Variants in MEGF11 observed in about 807,000 individuals in gnomAD.
MEGF11 encodes multiple EGF like domains 11, also known as multiple epidermal growth factor-like domains protein 11.
A neutral mutation model predicts 146.6 loss-of-function variants in MEGF11; 126 were observed. That is an observed-to-expected ratio of 0.86 (90% CI 0.74 to 1.00). The LOEUF is 1.00. Among genes scored for constraint, MEGF11 ranks in the 50% least tolerant of loss-of-function variants. The probability of loss-of-function intolerance (pLI) is 0.00; values close to 1 mark genes in which losing one functional copy is unlikely to be tolerated. For missense variants in MEGF11, 1,509 were observed against 1,521.2 expected, an observed-to-expected ratio of 0.99 and a Z score of 0.13; for synonymous variants, 532 against 583.4, an observed-to-expected ratio of 0.91 and a Z score of 1.27.
intron 10 of MEGF11, among the ~76,000 whole-genome samples, chr15:65,940,647 A>G (rs976858509): frequency 6.6e-6 from 1 of 152,246 alleles, no homozygotes; most frequent in Non-Finnish European, 1.5e-5. Context: ...GGTATGAGGA[A>G]CAGAGAGCCA....
chr15:65,898,385 G>A, intron 25 of MEGF11: 1 of 985,408 alleles, frequency 1.0e-6, no homozygotes, highest in Non-Finnish European at 1.2e-6. Context: ...GTGATTTAGA[G>A]ACTTGTTGAT....
At chr15:66,055,326 G>A (rs892000214) in intron 5 of MEGF11, among the ~76,000 whole-genome samples, 3 of 152,194 alleles carry the variant, frequency 2.0e-5, no homozygotes, top group East Asian at 1.9e-4. Flanking sequence ...TATAAAGTTC[G>A]TGTTCTTTAG....
chr15:66,219,137 GA>G (rs1180149029), intron 1 of MEGF11, among the ~76,000 whole-genome samples: 1 of 152,058 alleles, frequency 6.6e-6, no homozygotes, highest in African/African-American at 2.4e-5. Flanking sequence ...AGAAAACATA[GA>G]AGAATATCTC....
chr15:66,150,823 CGAGAGA>C (rs66595752), intron 1 of MEGF11, among the ~76,000 whole-genome samples: 28,378 of 103,052 alleles, frequency 0.28, 3,940 homozygotes, highest in Admixed American at 0.4. Context: ...AATGCCCTGT[CGAGAGA>C]GAGAGAGAGA....
Position 65,897,233 on chromosome 15 carries a change from A to C in MEGF11, c.*701T>G, listed in dbSNP as rs2078374676. 1 of 152,220 alleles carries C rather than the reference A, an allele frequency of 6.6e-6. No homozygotes were observed. The highest frequency in any genetic ancestry group is 6.5e-5 in the Admixed American group (1 of 15,280). The allele number at this position is 152,220 out of a possible 1,614,324, so 9.4% of individuals were successfully genotyped here. ...TTGATAAAGCTGCCCTAGGAATCTT[A>C]TTGTAGACTGAAAGAGACACTGCTG... On this transcript the variant is annotated 3_prime_UTR_variant, in exon 26 of 26. Coordinates refer to ENST00000395614, the MANE Select transcript of MEGF11 (RefSeq NM_001385028.1).
chr15:66,132,804 G>C (rs2088706708), intron 1 of MEGF11, among the ~76,000 whole-genome samples: 1 of 152,048 alleles, frequency 6.6e-6, no homozygotes, highest in Admixed American at 6.5e-5. Flanking sequence ...ATATGGCCTT[G>C]GCTCTTCCTT....
intron 7 of MEGF11, among the ~76,000 whole-genome samples, chr15:65,978,799 G>A (rs1021486289): frequency 2.0e-4 from 30 of 152,332 alleles, no homozygotes; most frequent in African/African-American, 7.0e-4. Context: ...CAGATGGACA[G>A]ACAGACACCA....
At chr15:66,226,462 G>C (rs2091854774) in intron 1 of MEGF11, among the ~76,000 whole-genome samples, 1 of 151,980 alleles carries the variant, frequency 6.6e-6, no homozygotes, top group Non-Finnish European at 1.5e-5. Flanking sequence ...TGGCCAGTCT[G>C]GTCTTGAACT....
chr15:65,997,845 T>G (rs1359520995), intron 5 of MEGF11, among the ~76,000 whole-genome samples: 1 of 152,164 alleles, frequency 6.6e-6, no homozygotes, highest in Non-Finnish European at 1.5e-5. Flanking sequence ...GAGAGGGACT[T>G]CCTTTCAATT....
chr15:66,049,734 G>A (rs758252529), intron 5 of MEGF11, among the ~76,000 whole-genome samples: 3 of 152,218 alleles, frequency 2.0e-5, no homozygotes, highest in Admixed American at 6.5e-5. Flanking sequence ...GGCAGAAAGA[G>A]TGGCAACTGG....
chr15:66,020,236 A>G (rs376679704), intron 5 of MEGF11, among the ~76,000 whole-genome samples: 11 of 152,362 alleles, frequency 7.2e-5, no homozygotes, highest in African/African-American at 2.6e-4. Context: ...TGGGACTCCA[A>G]CAGGAACATT....
At chr15:65,914,107 C>A in intron 19 of MEGF11, 134 bp from the exon 20 acceptor site, 1 of 662,236 alleles carries the variant, frequency 1.5e-6, no homozygotes, top group Non-Finnish European at 2.6e-6. Flanking sequence ...TTCCTGAGTC[C>A]CTATGTGACT....
intron 5 of MEGF11, among the ~76,000 whole-genome samples, chr15:66,043,665 TAGA>T (rs1176720887): frequency 6.6e-6 from 1 of 152,246 alleles, no homozygotes; most frequent in Non-Finnish European, 1.5e-5. Flanking sequence ...CCAGACTCTT[TAGA>T]AGCTGTAATG....
At chr15:66,026,610 A>G (rs531333879) in intron 5 of MEGF11, among the ~76,000 whole-genome samples, 102 of 151,972 alleles carry the variant, frequency 6.7e-4, no homozygotes, top group East Asian at 5.0e-3. Flanking sequence ...CAGCCTCCCA[A>G]GTAGCTGGGA....
chr15:66,105,695 T>C (rs1451591598), intron 4 of MEGF11, among the ~76,000 whole-genome samples: 3 of 152,242 alleles, frequency 2.0e-5, no homozygotes, highest in Admixed American at 2.0e-4. Flanking sequence ...GTTTGAGCCC[T>C]GCGGCTGTTT....
intron 1 of MEGF11, among the ~76,000 whole-genome samples, chr15:66,198,671 A>G (rs12916574): frequency 0.097 from 14,687 of 152,012 alleles, 1,368 homozygotes; most frequent in African/African-American, 0.24. Context: ...TTTTTGATAG[A>G]GACGGGGTTT....
At chr15:66,052,886 C>T (rs1018951653) in intron 5 of MEGF11, among the ~76,000 whole-genome samples, 21 of 152,164 alleles carry the variant, frequency 1.4e-4, no homozygotes, top group African/African-American at 3.6e-4. Context: ...GAATCTCTGG[C>T]GAATTGGGCA....
intron 16 of MEGF11, among the ~76,000 whole-genome samples, 185 bp downstream of exon 16, chr15:65,917,781 T>TA (rs2079049397): frequency 6.6e-6 from 1 of 152,234 alleles, no homozygotes; most frequent in Admixed American, 6.5e-5. Flanking sequence ...CAGCAGTTAA[T>TA]ACCAATGATC....
intron 1 of MEGF11, among the ~76,000 whole-genome samples, chr15:66,205,254 A>T (rs2091269848): frequency 6.6e-6 from 1 of 152,112 alleles, no homozygotes; most frequent in African/African-American, 2.4e-5. Context: ...CAGCCTGGGC[A>T]ATATAGCAAG....
Sources: allele counts gnomAD v4.1 joint callset (sites outside exome capture counted in the v4.1 genomes callset), GRCh38; gene constraint gnomAD v4.1.1; transcripts MANE v1.5; gene names NCBI Gene and HGNC (gene_info 2026-07-23, HGNC 2026-07-21).